Variants in BRPF3 observed in about 807,000 individuals in gnomAD.
BRPF3 encodes bromodomain and PHD finger containing 3, also known as bromodomain and PHD finger-containing protein 3.
In BRPF3, 18 loss-of-function variants were observed where a neutral mutation model predicts 102.0. The ratio of observed to expected loss-of-function variants is 0.18; its 90% CI spans 0.12 to 0.26. BRPF3 has a LOEUF of 0.26. BRPF3 is among the 10% of genes least tolerant of loss of function. The pLI is 1.00. For synonymous variants in BRPF3, 570 were observed against 614.2 expected (o/e 0.93, Z 1.06); for missense variants, 1,147 against 1,567.8 (o/e 0.73, Z 4.53).
At chr6:36,227,456 C>T (rs965789770) in intron 11 of BRPF3, among the ~76,000 whole-genome samples, 2 of 152,182 alleles carry the variant, frequency 1.3e-5, no homozygotes, top group African/African-American at 4.8e-5. Context: ...TGTTGTTTTA[C>T]ATTTGCATAG....
Position 36,200,497 on chromosome 6 carries a change from A to G in BRPF3, c.175A>G (p.Lys59Glu). ...TCGTATCAGCATCTATGACCCACTC[A>G]AAATCATTACTGAAGATGAGCTAAC... The part of the protein sequence containing the change: ...LHRISIYDPL[K>E]IITEDELTAQ... The change falls in exon 2 of 13, where the codon AAA (lysine) becomes GAA (glutamate). Residue 59 changes from lysine to glutamate, a missense_variant. Physicochemically the swap from Lys to Glu is moderately conservative, Grantham distance 56 (BLOSUM62 1). This residue lies in a region of BRPF3 where 221 missense variants were observed against 337.1 expected (regional missense o/e 0.66). Coordinates refer to ENST00000357641, the MANE Select transcript of BRPF3 (RefSeq NM_015695.3). This position sits in a 1 kb window ranked among gnomAD's most constrained non-coding sequence, Gnocchi z 5.3. The G allele has an allele frequency of 1.2e-6, 2 of 1,614,264 alleles. No homozygotes were observed. Among genetic ancestry groups the G allele is most frequent in the African/African-American group, 1.3e-5 (1 of 75,080 alleles).
chr6:36,200,513 A>G lies in BRPF3; in HGVS notation c.191A>G (p.Asp64Gly), dbSNP rs1317476321. 6.2e-7 allele frequency: 1 copy of G among 1,614,112 alleles called. No individual in the cohort carries two copies. Among genetic ancestry groups the G allele is most frequent in the African/African-American group, 1.3e-5 (1 of 74,934 alleles). The change falls in exon 2 of 13, where the codon GAT (aspartate) becomes GGT (glycine). Residue 64 changes from aspartate (D) to glycine (G), a missense_variant. By Grantham distance (94) the Asp-to-Gly change is moderately conservative. Around this residue, in one of 11 missense-constraint regions of BRPF3, gnomAD observed 221 missense variants for 337.1 expected, o/e 0.66. Transcript: ENST00000357641. This position sits in a 1 kb window ranked among gnomAD's most constrained non-coding sequence, Gnocchi z 5.3. ...GACCCACTCAAAATCATTACTGAAG[A>G]TGAGCTAACTGCCCAGGATATCACC... ...IYDPLKIITE[D>G]ELTAQDITEC...
At chr6:36,229,191 G>A (rs891141514) in intron 12 of BRPF3, 135 bp downstream of exon 12, 5 of 1,135,276 alleles carry the variant, frequency 4.4e-6, no homozygotes, top group Non-Finnish European at 3.7e-6. Flanking sequence ...CAACAGGCCT[G>A]CACTTGGCAT....
Position 36,209,900 on chromosome 6 carries a change from A to G in BRPF3, c.1851A>G (p.Pro617=), listed in dbSNP as rs1263433632. The change falls in exon 5 of 13, where the codon CCA becomes CCG. Residue 617 remains proline, a synonymous_variant. Transcript: ENST00000357641. ...ATCCTGCACACATCTTCGCAGAACC[A>G]GTCAACTTGAGTGAGGCAAGTTCCC... ...EKDPAHIFAE[P]VNLSEVPDYL... 4 of 1,614,144 alleles carry G rather than the reference A, an allele frequency of 2.5e-6. No individual in the cohort carries two copies. The Admixed American group carries it at 5.0e-5, about 20-fold the overall frequency.
rs765802826 is a variant in BRPF3 at position 36,214,261 on chromosome 6, G to A, written c.2864G>A (p.Gly955Asp). The A allele has an allele frequency of 6.2e-6, 10 of 1,613,988 alleles. No homozygotes were observed. The highest frequency in any genetic ancestry group is 4.0e-5 in the African/African-American group (3 of 75,054). Reference sequence around the variant, plus strand: ...GTCCTGGAGAATGGCGAGGACCATGGTGTGGCAGGCTCTCCTGCCTCTCCA... The same window carrying A: ...GTCCTGGAGAATGGCGAGGACCATGATGTGGCAGGCTCTCCTGCCTCTCCA... Reference protein sequence around the residue: ...DRVLENGEDHGVAGSPASPAS... With the variant: ...DRVLENGEDHDVAGSPASPAS... Residue 955 changes from glycine to aspartate, a missense_variant, in exon 8 of 13, where the codon GGT becomes GAT. This residue lies in a region of BRPF3 where 379 missense variants were observed against 426.3 expected (regional missense o/e 0.89). Coordinates refer to ENST00000357641, the MANE Select transcript of BRPF3 (RefSeq NM_015695.3).
intron 10 of BRPF3, among the ~76,000 whole-genome samples, 181 bp from the exon 11 acceptor site, chr6:36,225,086 C>T (rs1768685676): frequency 6.6e-6 from 1 of 152,200 alleles, no homozygotes; most frequent in Non-Finnish European, 1.5e-5. Flanking sequence ...CTTTACAGAA[C>T]TAGTTTGCTG....
rs1042816849 is a variant in BRPF3, at chr6:36,212,672, G to A, written c.2482+1112G>A. On this transcript the variant is annotated intron_variant, in intron 7 of 12. Coordinates refer to ENST00000357641, the MANE Select transcript of BRPF3 (RefSeq NM_015695.3). ...GGAAGTCTCAATTTTTAAAAGTTTC[G>A]GCCGGGCGCGGTGGCTCACGCCTGT... Among the ~76,000 whole-genome samples, 14 of 151,980 alleles carry A rather than the reference G, an allele frequency of 9.2e-5. No homozygotes were observed. The East Asian group carries it at 9.6e-4, about 10-fold the overall frequency.
chr6:36,210,615 T>C lies in BRPF3; in HGVS notation c.2179+87T>C. The C allele has an allele frequency of 7.6e-7, 1 of 1,318,902 alleles. No individual in the cohort carries two copies. The highest frequency in any genetic ancestry group is 1.4e-5 in the South Asian group (1 of 70,100). 81.7% of individuals were successfully genotyped at this position (1,318,902 alleles called of 1,614,324 possible). A position where few individuals can be genotyped will look rare whatever the true frequency, so the allele number is the denominator to read the frequency against. On this transcript the variant is annotated intron_variant, in intron 6 of 12. Transcript: ENST00000357641. This position sits in a 1 kb window ranked among gnomAD's most constrained non-coding sequence, Gnocchi z 4.7. ...CAGAGTGAGGGATCAGGGTGGTCCT[T>C]GGGGCTATAGGTAGACTCCAGGAGC...
intron 2 of BRPF3, among the ~76,000 whole-genome samples, chr6:36,202,341 C>T (rs567855158): frequency 2.6e-5 from 4 of 152,028 alleles, no homozygotes; most frequent in African/African-American, 9.7e-5. Flanking sequence ...CATGCTATTC[C>T]TCCTCTTGAA....
intron 9 of BRPF3, among the ~76,000 whole-genome samples, chr6:36,220,789 A>G (rs962655959): frequency 1.4e-4 from 22 of 152,206 alleles, no homozygotes; most frequent in Non-Finnish European, 1.0e-4. Context: ...AATAAAAACT[A>G]CCAACCTAAC....
At chr6:36,209,620 T>C (rs1345549067) in intron 4 of BRPF3, among the ~76,000 whole-genome samples, 167 bp from the exon 5 acceptor site, 2 of 152,230 alleles carry the variant, frequency 1.3e-5, no homozygotes, top group Non-Finnish European at 2.9e-5. Flanking sequence ...GTTGGTGTCA[T>C]TATTCCTAGG....
chr6:36,209,095 G>A (rs1479844521), intron 4 of BRPF3, among the ~76,000 whole-genome samples: 1 of 152,198 alleles, frequency 6.6e-6, no homozygotes, highest in African/African-American at 2.4e-5. Context: ...GATGACCTTA[G>A]ACTAGTAACT....
At chr6:36,218,372 T>C (rs977978352) in intron 9 of BRPF3, among the ~76,000 whole-genome samples, 1 of 152,204 alleles carries the variant, frequency 6.6e-6, no homozygotes, top group African/African-American at 2.4e-5. Flanking sequence ...CAGAGTTGGT[T>C]TTGCTCTTTG....
At chr6:36,222,297 G>C in intron 10 of BRPF3, 32 bp downstream of exon 10, 1 of 1,541,848 alleles carries the variant, frequency 6.5e-7, no homozygotes, top group Non-Finnish European at 8.8e-7. Flanking sequence ...GAACTGAGGG[G>C]GCCAGGCCTT....
At chr6:36,225,610 C>G (rs1458551195) in intron 11 of BRPF3, among the ~76,000 whole-genome samples, 1 of 152,136 alleles carries the variant, frequency 6.6e-6, no homozygotes, top group Non-Finnish European at 1.5e-5. Context: ...TATTTATTTC[C>G]TTATGCATAA....
At chr6:36,209,949 T>G (rs1371797565) in intron 5 of BRPF3, 34 bp downstream of exon 5, 1 of 1,611,706 alleles carries the variant, frequency 6.2e-7, no homozygotes, top group African/African-American at 1.3e-5. Flanking sequence ...TAGTAAATTC[T>G]TCTTGAACTG....
In BRPF3 at chr6:36,222,174, G is replaced by T; in HGVS notation, c.3090G>T (p.Leu1030=). ...CTCCCTGCTCTGTGTGCAGTGGTCT[G>T]ACGCCCCCCAAACGCAGCCGTGGGA... ...GGLAFEACSG[L]TPPKRSRGKP... is the part of the protein sequence containing the mutation. Residue 1030 remains leucine, a synonymous_variant, in exon 10 of 13, where the codon CTG becomes CTT. Coordinates refer to ENST00000357641, the MANE Select transcript of BRPF3 (RefSeq NM_015695.3). 1 of 1,550,246 alleles carries T rather than the reference G, an allele frequency of 6.5e-7. No homozygotes were observed. Among genetic ancestry groups the T allele is most frequent in the South Asian group, 1.2e-5 (1 of 83,990 alleles).
rs547108095 is a variant in BRPF3, at chr6:36,218,461, C to CTT, written c.3083+467_3083+468dup. ...GACCAAGTAGGAAATTTGGAATTGC[C>CTT]TTTTTTTTTTTTTTTTTGAGACGGA... On this transcript the variant is annotated intron_variant, in intron 9 of 12. Coordinates refer to ENST00000357641, the MANE Select transcript of BRPF3 (RefSeq NM_015695.3). 8.0e-3 allele frequency among the ~76,000 whole-genome samples: 1,070 copies of CTT among 134,438 alleles called. 10 individuals are homozygous for CTT. The highest frequency in any genetic ancestry group is 0.013 in the Non-Finnish European group (822 of 62,530). 88.2% of individuals were successfully genotyped at this position (134,438 alleles called of 152,430 possible).
At chr6:36,224,639 C>G (rs1768669690) in intron 10 of BRPF3, among the ~76,000 whole-genome samples, 1 of 152,214 alleles carries the variant, frequency 6.6e-6, no homozygotes, top group African/African-American at 2.4e-5. Flanking sequence ...AAGCCTCCAT[C>G]ATGAGGACTC....
Sources: allele counts gnomAD v4.1 joint callset (sites outside exome capture counted in the v4.1 genomes callset), GRCh38; gene constraint gnomAD v4.1.1; regional missense constraint gnomAD v4.1.1; non-coding constraint Gnocchi (gnomAD v3.1); transcripts MANE v1.5; gene names NCBI Gene and HGNC (gene_info 2026-07-23, HGNC 2026-07-21).